The following RBM4 variants were observed in gnomAD, a reference collection of about 807,000 sequenced individuals.
The protein encoded by RBM4 is RNA binding motif protein 4, also known as RNA-binding protein 4.
A neutral mutation model predicts 29.5 loss-of-function variants in RBM4; 7 were observed. The observed-to-expected ratio is 0.24, with a 90% confidence interval of 0.14 to 0.45. RBM4 has a LOEUF of 0.45. Ranked by LOEUF, RBM4 falls within the 20% of genes least tolerant of loss-of-function variation. The pLI, the probability that RBM4 is intolerant of heterozygous loss-of-function variation, is 1.00. For missense variants in RBM4, 387 were observed against 502.3 expected (o/e 0.77, Z 2.19); for synonymous variants, 220 against 205.4 (o/e 1.07, Z -0.61).
downstream of RBM4, chr11:66,649,651 CAT>C (rs1258620554): frequency 4.3e-5 from 28 of 657,460 alleles, no homozygotes; most frequent in Admixed American, 1.4e-4. Flanking sequence ...GTGGAAGCCA[CAT>C]AGTTGGCTCT....
At chr11:66,650,138 G>A (rs547242361), downstream of RBM4, among the ~76,000 whole-genome samples, 3 of 152,314 alleles carry the variant, frequency 2.0e-5, no homozygotes, top group African/African-American at 4.8e-5. Flanking sequence ...AAGTCAGTTC[G>A]GGGTGGGAAT....
intron 1 of RBM4, chr11:66,639,067 G>T (rs1243027809): frequency 1.3e-5 from 2 of 152,248 alleles, no homozygotes; most frequent in Admixed American, 6.5e-5. Flanking sequence ...TTCTCGGGCC[G>T]TGAGACATCG....
rs1026658594 is a variant in RBM4, at chr11:66,645,885, T to G, written c.*9-142T>G. On this transcript the variant is annotated intron_variant, in intron 3 of 3. Transcript: ENST00000310092. The stretch of plus-strand genomic sequence containing the variant: ...TTCAAGCTCTTTTCATTGTTAGAGA[T>G]TACTGTGATACTGGGGGAGAAGGGT... 2.1e-6 allele frequency: 3 copies of G among 1,426,488 alleles called. No individual in the cohort carries two copies. The African/African-American group carries it at 4.3e-5, about 20-fold the overall frequency. The allele number at this position is 1,426,488 out of a possible 1,614,324, so 88.4% of individuals were successfully genotyped here. A position where few individuals can be genotyped will look rare whatever the true frequency, so the allele number is the denominator to read the frequency against.
exon 3 of RBM4, chr11:66,666,128 A>C: frequency 1.3e-6 from 1 of 771,334 alleles, no homozygotes; most frequent in Non-Finnish European, 2.0e-6. Flanking sequence ...TCACAGAGTG[A>C]GAGCCACAGT....
chr11:66,648,476 C>G (rs987071146), downstream of RBM4, among the ~76,000 whole-genome samples: 4 of 151,764 alleles, frequency 2.6e-5, no homozygotes, highest in East Asian at 3.9e-4. Context: ...GAGCTAAGAT[C>G]AGGCCACTGC....
In RBM4 at chr11:66,643,605, T is replaced by A. The variant is rs1196811754; in HGVS notation, c.568T>A (p.Tyr190Asn). 6.2e-7 allele frequency: 1 copy of A among 1,614,112 alleles called. No homozygotes were observed. The highest frequency in any genetic ancestry group is 2.2e-5 in the East Asian group (1 of 44,872). ...SGRVADLTEQ[Y>N]NEQYGAVRTP... ...CCGCGTGGCAGACTTGACCGAGCAA[T>A]ATAATGAGCAATACGGAGCAGTGCG... Residue 190 changes from tyrosine to asparagine, a missense_variant, in exon 3 of 4, where the codon TAT (tyrosine) becomes AAT (asparagine). Physicochemically the swap from Tyr to Asn is moderately radical, Grantham distance 143. This residue lies in a region of RBM4 where 281 missense variants were observed against 288.7 expected (regional missense o/e 0.97). Transcript: ENST00000310092. This position sits in a 1 kb window ranked among gnomAD's most constrained non-coding sequence, Gnocchi z 6.1.
chr11:66,666,914 T>A (rs1939257887), exon 3 of RBM4: 1 of 151,890 alleles, frequency 6.6e-6, no homozygotes, highest in African/African-American at 2.4e-5. Context: ...TTTTTAATTT[T>A]TTTTTTTTTT....
chr11:66,655,055 G>A (rs1212157507), intron 2 of RBM4, among the ~76,000 whole-genome samples: 3 of 151,660 alleles, frequency 2.0e-5, no homozygotes, highest in African/African-American at 7.3e-5. Context: ...GCATGATCTC[G>A]GCTCACTGCA....
chr11:66,660,344 AGT>A (rs1462391737), intron 2 of RBM4, among the ~76,000 whole-genome samples: 2 of 140,694 alleles, frequency 1.4e-5, no homozygotes, highest in Non-Finnish European at 3.1e-5. Context: ...TTGAGATGGG[AGT>A]CTCTCTTTTT....
rs1290019826 is a variant in RBM4 at position 66,643,387 on chromosome 11, G to C, written c.413-63G>C. On this transcript the variant is annotated intron_variant, in intron 2 of 3. Transcript: ENST00000310092. This position sits in a 1 kb window ranked among gnomAD's most constrained non-coding sequence, Gnocchi z 6.1. ...AAAGCCATTGCTATGACCAGTGTCT[G>C]GGGTAGGGGCTGGGGCTATGACTAA... The C allele has an allele frequency of 1.1e-5, 17 of 1,540,490 alleles. No individual in the cohort carries two copies. Among genetic ancestry groups the C allele is most frequent in the Non-Finnish European group, 1.5e-5 (17 of 1,140,086 alleles).
chr11:66,660,359 T>G (rs1939050983), intron 2 of RBM4, among the ~76,000 whole-genome samples: 1 of 149,174 alleles, frequency 6.7e-6, no homozygotes, highest in Admixed American at 6.7e-5. Flanking sequence ...CTCTTTTTTT[T>G]TTTTTTTTTT....
chr11:66,643,358 A>G lies in RBM4; in HGVS notation c.413-92A>G, dbSNP rs1413976529. 3.9e-5 allele frequency: 57 copies of G among 1,464,514 alleles called. No individual in the cohort carries two copies. The highest frequency in any genetic ancestry group is 5.0e-5 in the Non-Finnish European group (55 of 1,091,288). 90.7% of individuals were successfully genotyped at this position (1,464,514 alleles called of 1,614,324 possible). A position where few individuals can be genotyped will look rare whatever the true frequency, so the allele number is the denominator to read the frequency against. Reference sequence around the variant, plus strand: ...GATGAGTCCTGCATTAGAATTGTCTAGATAAAGCCATTGCTATGACCAGTG... The same window carrying G: ...GATGAGTCCTGCATTAGAATTGTCTGGATAAAGCCATTGCTATGACCAGTG... On this transcript the variant is annotated intron_variant, in intron 2 of 3. Transcript: ENST00000310092. The surrounding 1 kb of genome is among the most constrained non-coding windows in gnomAD (Gnocchi z 6.1).
intron 2 of RBM4, among the ~76,000 whole-genome samples, chr11:66,654,977 A>G (rs1304006180): frequency 6.7e-6 from 1 of 150,032 alleles, no homozygotes; most frequent in Admixed American, 6.6e-5. Context: ...GGCGCATACC[A>G]CCACGCCCAG....
downstream of RBM4, chr11:66,649,693 C>A (rs1196253859): frequency 4.3e-6 from 3 of 699,310 alleles, no homozygotes; most frequent in Non-Finnish European, 5.2e-6. Context: ...GCTGCCACTC[C>A]TTAGGAATAA....
At chr11:66,649,749 T>C (rs1321763861), downstream of RBM4, 1 of 702,028 alleles carries the variant, frequency 1.4e-6, no homozygotes. Flanking sequence ...TCCAGCTCTG[T>C]CACCCAAGCT....
At chr11:66,663,709 T>TGTGTGTGC (rs1939131626) in intron 2 of RBM4, among the ~76,000 whole-genome samples, 1 of 150,654 alleles carries the variant, frequency 6.6e-6, no homozygotes, top group Non-Finnish European at 1.5e-5. Context: ...TATATGTGTG[T>TGTGTGTGC]GTGTGTGTGT....
At chr11:66,642,496 TTTTCA>T (rs1276375628) in intron 2 of RBM4, among the ~76,000 whole-genome samples, 2 of 152,234 alleles carry the variant, frequency 1.3e-5, no homozygotes, top group African/African-American at 4.8e-5. Context: ...GAAGTAATAC[TTTTCA>T]TTTCCAGAAT....
chr11:66,640,214 C>T, intron 2 of RBM4, 91 bp downstream of exon 2: 1 of 1,533,682 alleles, frequency 6.5e-7, no homozygotes, highest in Non-Finnish European at 9.0e-7. Context: ...GTAAAGATAA[C>T]AGCTGTTGGC....
At chr11:66,666,153 T>C in exon 3 of RBM4, 3 of 753,132 alleles carry the variant, frequency 4.0e-6, no homozygotes, top group Non-Finnish European at 5.9e-6. Flanking sequence ...GTAGTTCCCC[T>C]AATTGACCAA....
Sources: gnomAD v4.1 joint callset for allele counts (sites outside exome capture counted in the v4.1 genomes callset) on GRCh38, gnomAD v4.1.1 for gene constraint, gnomAD v4.1.1 regional missense constraint, Gnocchi (gnomAD v3.1) non-coding constraint, MANE v1.5 for transcripts, NCBI Gene and HGNC (gene_info 2026-07-23, HGNC 2026-07-21) for gene names.